TNFAIP8: variants seen among roughly 807,000 people sequenced by gnomAD.
The protein encoded by TNFAIP8 is tumor necrosis factor alpha-induced protein 8.
A neutral mutation model predicts 13.3 loss-of-function variants in TNFAIP8; 7 were observed. That is an observed-to-expected ratio of 0.52 (90% CI 0.30 to 0.99). The LOEUF is 0.99. Among genes scored for constraint, TNFAIP8 ranks in the 50% least tolerant of loss-of-function variants. The pLI is 0.07. For missense variants in TNFAIP8, 258 were observed against 236.9 expected, an observed-to-expected ratio of 1.09 and a Z score of -0.58; for synonymous variants, 94 against 87.6, an observed-to-expected ratio of 1.07 and a Z score of -0.41.
intron 1 of TNFAIP8, among the ~76,000 whole-genome samples, chr5:119,371,673 G>T (rs73241282): frequency 0.065 from 9,922 of 152,100 alleles, 1,083 homozygotes; most frequent in African/African-American, 0.23. Flanking sequence ...GTCTAACATC[G>T]GAGAGATAAA....
At chr5:119,299,003 T>C (rs911001934) in intron 1 of TNFAIP8, among the ~76,000 whole-genome samples, 5 of 152,130 alleles carry the variant, frequency 3.3e-5, no homozygotes, top group South Asian at 2.1e-4. Context: ...TAGTTATACA[T>C]TCTTCTAAAT....
At chr5:119,277,495 G>T (rs746575447) in intron 1 of TNFAIP8, among the ~76,000 whole-genome samples, 2 of 151,970 alleles carry the variant, frequency 1.3e-5, no homozygotes, top group Non-Finnish European at 2.9e-5. Flanking sequence ...TTGTTTGTGC[G>T]CACACTTGGC....
intron 1 of TNFAIP8, among the ~76,000 whole-genome samples, chr5:119,387,674 T>A (rs2112855658): frequency 6.6e-6 from 1 of 152,340 alleles, no homozygotes; most frequent in South Asian, 2.1e-4. Flanking sequence ...TTAACCATAT[T>A]TATCTCTAAC....
At chr5:119,275,822 T>C (rs965276935) in intron 1 of TNFAIP8, among the ~76,000 whole-genome samples, 2 of 152,082 alleles carry the variant, frequency 1.3e-5, no homozygotes, top group African/African-American at 2.4e-5. Flanking sequence ...TTGACAGCTT[T>C]TTTTTTCCCC....
chr5:119,360,264 A>G (rs888393093), intron 1 of TNFAIP8, among the ~76,000 whole-genome samples: 4 of 152,288 alleles, frequency 2.6e-5, no homozygotes, highest in East Asian at 1.9e-4. Flanking sequence ...AAAACTCAGG[A>G]CCCAGCGATT....
intron 1 of TNFAIP8, among the ~76,000 whole-genome samples, chr5:119,349,159 T>A (rs1027556538): frequency 6.6e-6 from 1 of 152,190 alleles, no homozygotes; most frequent in Non-Finnish European, 1.5e-5. Context: ...CCTTTTGTTT[T>A]CCTTTTCCAT....
Position 119,397,169 on chromosome 5 carries a change from A to C in TNFAIP8, c.*3788A>C, listed in dbSNP as rs1161721300. On this transcript the variant is annotated 3_prime_UTR_variant, in exon 2 of 2. Coordinates refer to ENST00000504771, the MANE Select transcript of TNFAIP8 (RefSeq NM_014350.4). ...CACACACACAATTTTTAAGCCCCCA[A>C]AGGCTTAAAATAGTACTTTTTGTGG... is the stretch of plus-strand genomic sequence containing the variant. The C allele has an allele frequency of 6.6e-6, 1 of 151,778 alleles. No homozygotes were observed. Among genetic ancestry groups the C allele is most frequent in the African/African-American group, 2.4e-5 (1 of 41,270 alleles). The allele number at this position is 151,778 out of a possible 1,614,324, so 9.4% of individuals were successfully genotyped here.
intron 1 of TNFAIP8, among the ~76,000 whole-genome samples, chr5:119,309,341 T>C (rs1447188443): frequency 6.6e-6 from 1 of 152,148 alleles, no homozygotes; most frequent in Admixed American, 6.5e-5. Flanking sequence ...TTTTATTTGT[T>C]AAAGGAAAAA....
chr5:119,378,770 C>T (rs1580440594), intron 1 of TNFAIP8, among the ~76,000 whole-genome samples: 1 of 152,174 alleles, frequency 6.6e-6, no homozygotes. Context: ...TACACAGCTT[C>T]CTCCCCTTTA....
chr5:119,397,116 A>T lies in TNFAIP8; in HGVS notation c.*3735A>T, dbSNP rs915428732. The T allele has an allele frequency of 1.5e-5, 2 of 133,258 alleles. No individual in the cohort carries two copies. The highest frequency in any genetic ancestry group is 7.8e-5 in the Admixed American group (1 of 12,862). 8.3% of individuals were successfully genotyped at this position (133,258 alleles called of 1,614,324 possible). A position where few individuals can be genotyped will look rare whatever the true frequency, so the allele number is the denominator to read the frequency against. On this transcript the variant is annotated 3_prime_UTR_variant, in exon 2 of 2. Coordinates refer to ENST00000504771, the MANE Select transcript of TNFAIP8 (RefSeq NM_014350.4). The stretch of plus-strand genomic sequence containing the variant: ...TTATCTGGAAAGTTCTTTTTCTCCC[A>T]CCATGTGAATACACACACACACACA...
chr5:119,369,327 T>A (rs2112808883), intron 1 of TNFAIP8, among the ~76,000 whole-genome samples: 1 of 152,310 alleles, frequency 6.6e-6, no homozygotes, highest in Admixed American at 6.5e-5. Context: ...GTGCTGGGAT[T>A]ACAGGCATGA....
At chr5:119,294,369 C>T (rs1265308869) in intron 1 of TNFAIP8, among the ~76,000 whole-genome samples, 1 of 152,176 alleles carries the variant, frequency 6.6e-6, no homozygotes, top group Non-Finnish European at 1.5e-5. Flanking sequence ...CTACAAAGAA[C>T]ATGAACTCAT....
chr5:119,269,775 T>C (rs1748217067), intron 1 of TNFAIP8, among the ~76,000 whole-genome samples: 1 of 152,144 alleles, frequency 6.6e-6, no homozygotes, highest in Non-Finnish European at 1.5e-5. Flanking sequence ...GACTGATAAT[T>C]CCATCCCTAC....
At chr5:119,277,461 C>G (rs1228149391) in intron 1 of TNFAIP8, among the ~76,000 whole-genome samples, 2 of 152,078 alleles carry the variant, frequency 1.3e-5, no homozygotes, top group Non-Finnish European at 2.9e-5. Flanking sequence ...CTCACGTCTA[C>G]TGGCCACAGA....
intron 1 of TNFAIP8, among the ~76,000 whole-genome samples, chr5:119,368,680 C>G (rs992812253): frequency 1.2e-4 from 19 of 152,150 alleles, no homozygotes; most frequent in Non-Finnish European, 1.5e-5. Flanking sequence ...AAAATGCTTG[C>G]AAGTGTTTTT....
intron 1 of TNFAIP8, among the ~76,000 whole-genome samples, chr5:119,392,275 CT>C (rs1327819745): frequency 6.6e-6 from 1 of 152,258 alleles, no homozygotes; most frequent in Non-Finnish European, 1.5e-5. Flanking sequence ...TTTGCTTAAT[CT>C]GCCATTTTAC....
At chr5:119,313,592 A>G (rs1749797693) in intron 1 of TNFAIP8, among the ~76,000 whole-genome samples, 1 of 152,244 alleles carries the variant, frequency 6.6e-6, no homozygotes, top group Non-Finnish European at 1.5e-5. Flanking sequence ...TACTTGCCAA[A>G]ATATGATAGC....
intron 1 of TNFAIP8, among the ~76,000 whole-genome samples, chr5:119,283,299 T>C (rs1309816777): frequency 6.6e-6 from 1 of 152,194 alleles, no homozygotes; most frequent in African/African-American, 2.4e-5. Context: ...CACTTAGCTT[T>C]TAAAAGCATT....
intron 1 of TNFAIP8, among the ~76,000 whole-genome samples, chr5:119,305,223 C>T (rs1001934334): frequency 4.6e-5 from 7 of 152,108 alleles, no homozygotes; most frequent in East Asian, 1.9e-4. Flanking sequence ...TAGTCATTTT[C>T]GGGCTTTCTT....
Sources: gnomAD v4.1 joint callset for allele counts (sites outside exome capture counted in the v4.1 genomes callset) on GRCh38, gnomAD v4.1.1 for gene constraint, MANE v1.5 for transcripts, NCBI Gene and HGNC (gene_info 2026-07-23, HGNC 2026-07-21) for gene names.